Variants in PML observed in about 807,000 individuals in gnomAD.
The protein encoded by PML is PML nuclear body scaffold.
A neutral mutation model predicts 65.2 loss-of-function variants in PML; 28 were observed. The observed-to-expected ratio is 0.43, with a 90% confidence interval of 0.32 to 0.59. PML has a LOEUF of 0.59. PML is among the 20% of genes least tolerant of loss of function. The pLI is 0.08. For missense variants in PML, 1,021 were observed against 1,203.4 expected (o/e 0.85, Z 2.24); for synonymous variants, 500 against 508.8 (o/e 0.98, Z 0.23).
chr15:74,031,509 A>T (rs2071323900), intron 4 of PML, among the ~76,000 whole-genome samples: 1 of 152,218 alleles, frequency 6.6e-6, no homozygotes, highest in African/African-American at 2.4e-5. Context: ...ATTGCTTTTT[A>T]TGGCTGAATA....
intron 7 of PML, among the ~76,000 whole-genome samples, chr15:74,041,805 A>G (rs2071703076): frequency 6.6e-6 from 1 of 152,236 alleles, no homozygotes; most frequent in Admixed American, 6.5e-5. Flanking sequence ...GACATTAGCC[A>G]GAGGCCAGAA....
Position 74,037,746 on chromosome 15 carries a change from T to G in PML, c.1710+3216T>G, listed in dbSNP as rs556192648. On this transcript the variant is annotated intron_variant, in intron 7 of 8. Transcript: ENST00000268058. The surrounding 1 kb of genome is among the most constrained non-coding windows in gnomAD (Gnocchi z 4.2). ...GCTCTGGGCACTCCTCCCTCTCCTC[T>G]GCAGGCTCTGTTTTTTCTTGGTTGT... 7 of 982,460 alleles carry G rather than the reference T, an allele frequency of 7.1e-6. No homozygotes were observed. The South Asian group carries it at 1.9e-4, about 26-fold the overall frequency. 60.9% of individuals were successfully genotyped at this position (982,460 alleles called of 1,614,324 possible).
chr15:74,040,725 C>A (rs1354582069), intron 7 of PML, among the ~76,000 whole-genome samples: 1 of 152,190 alleles, frequency 6.6e-6, no homozygotes. Flanking sequence ...TTATGGAAGT[C>A]CCCAAGGGCA....
rs760992752 is a variant in PML, at chr15:74,046,527, G to A, written c.*1519G>A. On this transcript the variant is annotated 3_prime_UTR_variant, in exon 9 of 9. Coordinates refer to ENST00000268058, the MANE Select transcript of PML (RefSeq NM_033238.3). ...GAATTCCGTAGGGTCTTGTTCCCAC[G>A]ACCGGAGTGCTGGCTCTCACAGTGA... is the stretch of plus-strand genomic sequence containing the variant. The A allele has an allele frequency of 1.3e-5, 3 of 232,490 alleles. No homozygotes were observed. Among genetic ancestry groups the A allele is most frequent in the Non-Finnish European group, 2.5e-5 (3 of 117,664 alleles). The allele number at this position is 232,490 out of a possible 1,614,324, so 14.4% of individuals were successfully genotyped here. A position where few individuals can be genotyped will look rare whatever the true frequency, so the allele number is the denominator to read the frequency against.
intron 2 of PML, among the ~76,000 whole-genome samples, chr15:74,000,437 A>G (rs1223584633): frequency 3.3e-5 from 5 of 152,024 alleles, no homozygotes. Flanking sequence ...ACCAGATTAT[A>G]CAGGACTGCA....
At position 74,035,816 on chromosome 15, in the gene PML, C is replaced by T; in HGVS notation, c.1710+1286C>T. On this transcript the variant is annotated intron_variant, in intron 7 of 8. Transcript: ENST00000268058. The surrounding 1 kb of genome is among the most constrained non-coding windows in gnomAD (Gnocchi z 4.1). ...TTGGAGCAGGTGTTCCCCCTGGGGA[C>T]TCTGTCAGAGGCTCCATGGAGGCCT... 1.2e-6 allele frequency: 2 copies of T among 1,614,022 alleles called. No individual in the cohort carries two copies. The highest frequency in any genetic ancestry group is 1.7e-6 in the Non-Finnish European group (2 of 1,179,988).
chr15:74,019,604 CTA>C, intron 2 of PML, among the ~76,000 whole-genome samples: 1 of 152,284 alleles, frequency 6.6e-6, no homozygotes, highest in East Asian at 1.9e-4. Context: ...ATACAATCAA[CTA>C]TGAAGATATT....
Position 74,035,364 on chromosome 15 carries a change from G to T in PML, c.1710+834G>T. Reference sequence around the variant, plus strand: ...GCCCGCTGAGCAGGCTGCCACCCCCGATGCTGAGCCTCACAGCGAGCCTCC... The same window carrying T: ...GCCCGCTGAGCAGGCTGCCACCCCCTATGCTGAGCCTCACAGCGAGCCTCC... On this transcript the variant is annotated intron_variant, in intron 7 of 8. Coordinates refer to ENST00000268058, the MANE Select transcript of PML (RefSeq NM_033238.3). The surrounding 1 kb of genome is among the most constrained non-coding windows in gnomAD (Gnocchi z 4.1). The T allele has an allele frequency of 6.2e-7, 1 of 1,611,850 alleles. No homozygotes were observed.
At chr15:74,032,791 G>A (rs1384552224) in intron 5 of PML, 76 bp downstream of exon 5, 9 of 1,444,636 alleles carry the variant, frequency 6.2e-6, no homozygotes, top group African/African-American at 2.8e-5. Flanking sequence ...GCACTGGGGT[G>A]GGAATCCAGG....
At chr15:74,036,022 C>T (rs1205995981) in intron 7 of PML, 1 of 1,614,132 alleles carries the variant, frequency 6.2e-7, no homozygotes, top group Admixed American at 1.7e-5. Context: ...TCCTCCAGCC[C>T]ATGCTCTTAC....
At chr15:74,036,726 T>A (rs888206540) in intron 7 of PML, among the ~76,000 whole-genome samples, 1 of 152,130 alleles carries the variant, frequency 6.6e-6, no homozygotes, top group African/African-American at 2.4e-5. Context: ...TTCTCCCTGC[T>A]CAGGTCCTGC....
chr15:74,044,162 T>C (rs1246858673), intron 8 of PML, 59 bp from the exon 9 acceptor site: 3 of 1,574,240 alleles, frequency 1.9e-6, no homozygotes, highest in African/African-American at 2.7e-5. Context: ...GACCCCCTGC[T>C]CCCACCCCAG....
In PML at chr15:74,035,814, G is replaced by C. The variant is rs777383825; in HGVS notation, c.1710+1284G>C. ...TCTTGGAGCAGGTGTTCCCCCTGGG[G>C]ACTCTGTCAGAGGCTCCATGGAGGC... On this transcript the variant is annotated intron_variant, in intron 7 of 8. Coordinates refer to ENST00000268058, the MANE Select transcript of PML (RefSeq NM_033238.3). The surrounding 1 kb of genome is among the most constrained non-coding windows in gnomAD (Gnocchi z 4.1). 1 of 1,613,986 alleles carries C rather than the reference G, an allele frequency of 6.2e-7. No individual in the cohort carries two copies. Among genetic ancestry groups the C allele is most frequent in the Non-Finnish European group, 8.5e-7 (1 of 1,179,992 alleles).
chr15:74,034,538 G>A lies in PML; in HGVS notation c.1710+8G>A. On this transcript the variant is annotated splice_region_variant and intron_variant, in intron 7 of 8. Coordinates refer to ENST00000268058, the MANE Select transcript of PML (RefSeq NM_033238.3). ...TCAGATGCCGAAAACTCGGTGAGTG[G>A]CCCAGAAGTTCAGCCCAGGACTCCT... 1 of 1,614,128 alleles carries A rather than the reference G, an allele frequency of 6.2e-7. No homozygotes were observed. Among genetic ancestry groups the A allele is most frequent in the Non-Finnish European group, 8.5e-7 (1 of 1,180,014 alleles).
At position 73,998,283 on chromosome 15, in the gene PML, G is replaced by A; in HGVS notation, c.409G>A (p.Asp137Asn). 1 of 1,614,224 alleles carries A rather than the reference G, an allele frequency of 6.2e-7. No homozygotes were observed. The highest frequency in any genetic ancestry group is 8.5e-7 in the Non-Finnish European group (1 of 1,180,036). Residue 137 changes from aspartate (D) to asparagine (N), a missense_variant, in exon 2 of 9, where the codon GAC becomes AAC. Physicochemically the swap from Asp to Asn is conservative, Grantham distance 23 (BLOSUM62 1). Coordinates refer to ENST00000268058, the MANE Select transcript of PML (RefSeq NM_033238.3). ...AVCTRCKESA[D>N]FWCFECEQLL... is the part of the protein sequence containing the mutation. ...GTGCACCCGCTGCAAAGAGTCGGCC[G>A]ACTTCTGGTGCTTTGAGTGCGAGCA...
At chr15:74,025,083 C>T in intron 4 of PML, 156 bp downstream of exon 4, 1 of 653,898 alleles carries the variant, frequency 1.5e-6, no homozygotes, top group Non-Finnish European at 2.8e-6. Flanking sequence ...TAAAGGAAGA[C>T]ATTAAAGAAG....
intron 1 of PML, among the ~76,000 whole-genome samples, chr15:73,996,785 C>G (rs998176996): frequency 1.3e-5 from 2 of 152,146 alleles, no homozygotes; most frequent in African/African-American, 4.8e-5. Flanking sequence ...TGCAATAGCT[C>G]CTCATTTTCT....
At chr15:74,028,170 T>C (rs1186342878) in intron 4 of PML, 4 of 152,232 alleles carry the variant, frequency 2.6e-5, no homozygotes, top group African/African-American at 9.6e-5. Flanking sequence ...TTATAATACT[T>C]TAATGGAAAA....
chr15:74,014,003 A>G (rs1312641969), intron 2 of PML, among the ~76,000 whole-genome samples: 2 of 152,206 alleles, frequency 1.3e-5, no homozygotes, highest in Admixed American at 6.5e-5. Flanking sequence ...TTAATAACAT[A>G]TAACACATAA....
Sources: gnomAD v4.1 joint callset for allele counts (sites outside exome capture counted in the v4.1 genomes callset) on GRCh38, gnomAD v4.1.1 for gene constraint, Gnocchi (gnomAD v3.1) non-coding constraint, MANE v1.5 for transcripts, NCBI Gene and HGNC (gene_info 2026-07-23, HGNC 2026-07-21) for gene names.